The following NRXN1 variants were observed in gnomAD, a reference collection of about 807,000 sequenced individuals.
NRXN1 encodes the protein neurexin 1, also known as neurexin-1.
In NRXN1, 39 loss-of-function variants were observed where a neutral mutation model predicts 150.9. The observed-to-expected ratio is 0.26, with a 90% CI of 0.20 to 0.34. NRXN1 has a LOEUF of 0.34. Among genes scored for constraint, NRXN1 ranks in the 10% least tolerant of loss-of-function variants. The pLI is 1.00. For synonymous variants in NRXN1, 924 were observed against 757.0 expected (o/e 1.22, Z -3.62); for missense variants, 1,815 against 1,949.9 (o/e 0.93, Z 1.30).
intron 5 of NRXN1, among the ~76,000 whole-genome samples, chr2:50,654,643 T>C (rs778425608): frequency 6.6e-6 from 1 of 152,120 alleles, no homozygotes; most frequent in South Asian, 2.1e-4. Flanking sequence ...AACAGTCCCA[T>C]CAACAGTGTA....
intron 21 of NRXN1, among the ~76,000 whole-genome samples, chr2:49,964,928 C>T (rs899440936): frequency 6.6e-6 from 1 of 152,084 alleles, no homozygotes; most frequent in Non-Finnish European, 1.5e-5. Context: ...ACTCTGTCAC[C>T]CAGGGTGGAG....
intron 18 of NRXN1, among the ~76,000 whole-genome samples, chr2:50,102,186 A>G (rs1701068226): frequency 6.6e-6 from 1 of 151,996 alleles, no homozygotes; most frequent in Non-Finnish European, 1.5e-5. Flanking sequence ...TAAGGCAGAA[A>G]TTCCTAATGA....
At chr2:50,621,643 T>G (rs1680038055) in intron 6 of NRXN1, among the ~76,000 whole-genome samples, 1 of 152,126 alleles carries the variant, frequency 6.6e-6, no homozygotes, top group Non-Finnish European at 1.5e-5. Context: ...ACTGCAGCCC[T>G]ATGCCCATAC....
intron 21 of NRXN1, among the ~76,000 whole-genome samples, chr2:49,951,339 T>A (rs970350957): frequency 3.3e-5 from 5 of 152,094 alleles, no homozygotes; most frequent in Non-Finnish European, 7.4e-5. Flanking sequence ...GTTTAAAAAA[T>A]ATGTTTTTTA....
At chr2:50,154,486 A>T (rs938624302) in intron 18 of NRXN1, among the ~76,000 whole-genome samples, 4 of 151,722 alleles carry the variant, frequency 2.6e-5, no homozygotes, top group African/African-American at 9.7e-5. Context: ...AAAACCTTAG[A>T]CAGCTTTCTA....
At chr2:50,407,100 T>A (rs2082801378) in intron 17 of NRXN1, among the ~76,000 whole-genome samples, 1 of 152,148 alleles carries the variant, frequency 6.6e-6, no homozygotes, top group Non-Finnish European at 1.5e-5. Flanking sequence ...TTTTAAAAAA[T>A]TATCAAATTG....
rs146100071 is a variant in NRXN1 at position 50,194,238 on chromosome 2, A to G, written c.3546+42551T>C. On this transcript the variant is annotated intron_variant, in intron 18 of 22. Transcript: ENST00000401669. The stretch of plus-strand genomic sequence containing the variant: ...GTCCCCAATGCTTCCTTCATATTCA[A>G]TCTTACCCGTGCCTATACTAATCAT... 7.2e-4 allele frequency among the ~76,000 whole-genome samples: 110 copies of G among 152,270 alleles called. No individual in the cohort carries two copies. In the East Asian group the frequency reaches 0.018, roughly 25 times the overall value.
rs188528057 is a variant in NRXN1, at chr2:51,017,163, T to C, written c.772+10339A>G. Among the ~76,000 whole-genome samples, 9 of 152,112 alleles carry C rather than the reference T, an allele frequency of 5.9e-5. No individual in the cohort carries two copies. The East Asian group carries it at 1.6e-3, about 26-fold the overall frequency. ...AGAAATACCTAATATAGATGACGGA[T>C]TGATAGGTGCAGCAAACCACCATGG... On this transcript the variant is annotated intron_variant, in intron 2 of 22. Coordinates refer to ENST00000401669, the MANE Select transcript of NRXN1 (RefSeq NM_001330078.2).
intron 5 of NRXN1, among the ~76,000 whole-genome samples, chr2:50,902,999 T>C (rs1290927140): frequency 6.6e-6 from 1 of 152,060 alleles, no homozygotes; most frequent in Non-Finnish European, 1.5e-5. Context: ...AAACAAGTAT[T>C]TATGAATAAA....
intron 8 of NRXN1, among the ~76,000 whole-genome samples, chr2:50,611,047 C>T (rs1477680176): frequency 1.3e-5 from 2 of 149,030 alleles, no homozygotes; most frequent in Non-Finnish European, 3.0e-5. Context: ...CACACCTGGC[C>T]CATACTAGAT....
intron 17 of NRXN1, among the ~76,000 whole-genome samples, chr2:50,329,675 T>TA (rs2076700009): frequency 4.7e-4 from 9 of 19,000 alleles, no homozygotes; most frequent in Non-Finnish European, 7.7e-4. Context: ...ATATATATAT[T>TA]TTTTTTTTTC....
chr2:50,856,758 T>G (rs913504136), intron 5 of NRXN1, among the ~76,000 whole-genome samples: 4 of 152,096 alleles, frequency 2.6e-5, no homozygotes, highest in African/African-American at 2.4e-5. Context: ...TCATTTAACT[T>G]CCCTCTGAGG....
Position 49,995,780 on chromosome 2 carries a change from C to CAAA in NRXN1, c.4129-51992_4129-51990dup, listed in dbSNP as rs1163315598. Among the ~76,000 whole-genome samples, 311 of 36,310 alleles carry CAAA rather than the reference C, an allele frequency of 8.6e-3. 25 individuals are homozygous for CAAA. The highest frequency in any genetic ancestry group is 0.014 in the South Asian group (7 of 502). The allele number at this position is 36,310 out of a possible 152,430, so 23.8% of individuals were successfully genotyped here. ...TGAGCGACAGAGCGAGACTCCGTCT[C>CAAA]AAAAAAAAAAAAAAAAAAAAAAGAT... is the stretch of plus-strand genomic sequence containing the variant. On this transcript the variant is annotated intron_variant, in intron 21 of 22. Transcript: ENST00000401669.
intron 5 of NRXN1, among the ~76,000 whole-genome samples, chr2:50,777,477 T>G (rs552739338): frequency 2.0e-5 from 3 of 152,124 alleles, no homozygotes; most frequent in African/African-American, 7.2e-5. Flanking sequence ...CATTTAACAA[T>G]CAGAATTGCT....
intron 21 of NRXN1, among the ~76,000 whole-genome samples, chr2:49,947,476 CTCTCT>C (rs1301107716): frequency 2.0e-5 from 3 of 148,918 alleles, no homozygotes; most frequent in Admixed American, 2.0e-4. Context: ...TTTCCTCTTC[CTCTCT>C]TCTCCTTCTC....
At chr2:50,966,342 T>TAA (rs34410057) in intron 2 of NRXN1, among the ~76,000 whole-genome samples, 4 of 138,764 alleles carry the variant, frequency 2.9e-5, no homozygotes, top group Admixed American at 7.3e-5. Flanking sequence ...CCAAAAGAGT[T>TAA]AAAAAAAAAA....
At chr2:50,903,989 A>G (rs1344488224) in intron 5 of NRXN1, among the ~76,000 whole-genome samples, 1 of 152,168 alleles carries the variant, frequency 6.6e-6, no homozygotes, top group Non-Finnish European at 1.5e-5. Context: ...AGAAAGCCCA[A>G]TGTTAAAACA....
intron 10 of NRXN1, among the ~76,000 whole-genome samples, chr2:50,536,418 C>T (rs981688583): frequency 6.6e-6 from 1 of 152,128 alleles, no homozygotes; most frequent in Non-Finnish European, 1.5e-5. Context: ...TGCTTGCTGC[C>T]CCTTTTTCTA....
intron 17 of NRXN1, among the ~76,000 whole-genome samples, chr2:50,289,322 G>A (rs1178738102): frequency 1.3e-5 from 2 of 152,138 alleles, no homozygotes; most frequent in Non-Finnish European, 2.9e-5. Flanking sequence ...TTCTCACAAT[G>A]CAAATGAGGA....
Sources: gnomAD v4.1 joint callset for allele counts (sites outside exome capture counted in the v4.1 genomes callset) on GRCh38, gnomAD v4.1.1 for gene constraint, MANE v1.5 for transcripts, NCBI Gene and HGNC (gene_info 2026-07-23, HGNC 2026-07-21) for gene names.